SLC35D4: variants seen among roughly 807,000 people sequenced by gnomAD.
SLC35D4 encodes UDP-N-acetylglucosamine transporter SLC35D4.
At chr18:23,277,931 A>G in the SLC35D4 span, among the ~76,000 whole-genome samples, 2 of 152,200 alleles carry the variant, frequency 1.3e-5, no homozygotes, top group Non-Finnish European at 2.9e-5. Context: ...CAGAAGTCCA[A>G]TAGAACATGT....
At chr18:23,393,323 A>G in the SLC35D4 span, among the ~76,000 whole-genome samples, 10 of 152,164 alleles carry the variant, frequency 6.6e-5, no homozygotes, top group African/African-American at 2.2e-4. Context: ...CATTCACACC[A>G]TTGTACAACC....
chr18:23,261,789 G>C, the SLC35D4 span, among the ~76,000 whole-genome samples: 1 of 152,084 alleles, frequency 6.6e-6, no homozygotes, highest in African/African-American at 2.4e-5. Flanking sequence ...ATCTCCAAGG[G>C]GTATCATACA....
At chr18:23,404,395 C>A in the SLC35D4 span, among the ~76,000 whole-genome samples, 28 of 152,318 alleles carry the variant, frequency 1.8e-4, no homozygotes, top group Middle Eastern at 3.4e-3. Flanking sequence ...CAGCCCCAGG[C>A]AAGGCGCGGT....
the SLC35D4 span, among the ~76,000 whole-genome samples, chr18:23,395,454 G>A: frequency 1.3e-5 from 2 of 152,178 alleles, 1 homozygote; most frequent in African/African-American, 4.8e-5. Flanking sequence ...ACAAGGACAA[G>A]CCATTAGGAA....
At chr18:23,300,609 T>G in the SLC35D4 span, among the ~76,000 whole-genome samples, 23 of 152,242 alleles carry the variant, frequency 1.5e-4, no homozygotes, top group African/African-American at 5.5e-4. Flanking sequence ...GGTTTACTGT[T>G]AGGAGAGCCA....
the SLC35D4 span, among the ~76,000 whole-genome samples, chr18:23,326,478 G>A: frequency 3.3e-5 from 5 of 152,114 alleles, no homozygotes; most frequent in South Asian, 1.0e-3. Flanking sequence ...ATGGTAAAGG[G>A]ATCAATTCAA....
the SLC35D4 span, among the ~76,000 whole-genome samples, chr18:23,366,266 C>T: frequency 6.6e-6 from 1 of 152,178 alleles, no homozygotes; most frequent in Non-Finnish European, 1.5e-5. Context: ...AATCTCCCAT[C>T]GTCCTCTCTG....
chr18:23,338,489 A>C, the SLC35D4 span, among the ~76,000 whole-genome samples: 1 of 152,162 alleles, frequency 6.6e-6, no homozygotes, highest in Non-Finnish European at 1.5e-5. Context: ...AATAACATAG[A>C]CATTATTATT....
chr18:23,388,259 A>ATG, the SLC35D4 span, among the ~76,000 whole-genome samples: 1 of 152,176 alleles, frequency 6.6e-6, no homozygotes, highest in African/African-American at 2.4e-5. Context: ...CTATTTATAC[A>ATG]TGTAGAATTA....
the SLC35D4 span, among the ~76,000 whole-genome samples, chr18:23,395,619 T>C: frequency 1.3e-5 from 2 of 152,214 alleles, no homozygotes; most frequent in African/African-American, 2.4e-5. Context: ...CAGGATGGCC[T>C]CTCTCCACCA....
the SLC35D4 span, among the ~76,000 whole-genome samples, chr18:23,325,032 G>A: frequency 6.6e-6 from 1 of 152,122 alleles, no homozygotes; most frequent in Non-Finnish European, 1.5e-5. Flanking sequence ...CTGTATGGAT[G>A]CCAAGAGAGC....
chr18:23,402,807 T>TA, the SLC35D4 span, among the ~76,000 whole-genome samples: 45,676 of 150,766 alleles, frequency 0.3, 7,305 homozygotes, highest in East Asian at 0.41. Flanking sequence ...CTTGTCTTTT[T>TA]AAAAAAATAT....
the SLC35D4 span, among the ~76,000 whole-genome samples, chr18:23,395,948 G>A: frequency 6.6e-6 from 1 of 152,206 alleles, no homozygotes; most frequent in South Asian, 2.1e-4. Context: ...ATGGTGAGCT[G>A]TGTGTCTTTC....
At chr18:23,375,981 C>A in the SLC35D4 span, among the ~76,000 whole-genome samples, 1 of 152,158 alleles carries the variant, frequency 6.6e-6, no homozygotes, top group Non-Finnish European at 1.5e-5. Flanking sequence ...GCATAAAACC[C>A]AAATTATCAC....
chr18:23,264,142 G>GT, the SLC35D4 span, among the ~76,000 whole-genome samples: 2 of 152,198 alleles, frequency 1.3e-5, no homozygotes, highest in African/African-American at 4.8e-5. Flanking sequence ...GTGTTAGAGA[G>GT]TTCTTGCATT....
the SLC35D4 span, among the ~76,000 whole-genome samples, chr18:23,242,855 C>G: frequency 6.6e-6 from 1 of 152,072 alleles, no homozygotes; most frequent in South Asian, 2.1e-4. Flanking sequence ...CTACATCTCC[C>G]CAGTGTTGGG....
At chr18:23,380,638 T>C in the SLC35D4 span, among the ~76,000 whole-genome samples, 1 of 152,212 alleles carries the variant, frequency 6.6e-6, no homozygotes, top group Non-Finnish European at 1.5e-5. Flanking sequence ...CCTAGCAACA[T>C]GTTTGACATT....
At chr18:23,354,230 G>A in the SLC35D4 span, among the ~76,000 whole-genome samples, 8 of 151,928 alleles carry the variant, frequency 5.3e-5, no homozygotes, top group East Asian at 7.7e-4. Flanking sequence ...GGCCAGGTGC[G>A]GTGGCTCAAG....
At chr18:23,429,265 TCC>T in the SLC35D4 span, among the ~76,000 whole-genome samples, 1 of 152,234 alleles carries the variant, frequency 6.6e-6, no homozygotes, top group Non-Finnish European at 1.5e-5. Flanking sequence ...TTTAGAAGTC[TCC>T]AAACTGCTTT....
Sources: gnomAD v4.1 joint callset for allele counts (sites outside exome capture counted in the v4.1 genomes callset) on GRCh38, gnomAD v4.1.1 for gene constraint, MANE v1.5 for transcripts, NCBI Gene and HGNC (gene_info 2026-07-23, HGNC 2026-07-21) for gene names.